MAP3K1: variants seen among roughly 807,000 people sequenced by gnomAD.
MAP3K1 encodes the protein MAP/ERK kinase kinase 1.
Under a neutral mutation model 144.2 loss-of-function variants are expected in MAP3K1, and 36 were observed. That is an observed-to-expected ratio of 0.25 (90% CI 0.19 to 0.33). MAP3K1 has a LOEUF of 0.33. Among genes scored for constraint, MAP3K1 ranks in the 10% least tolerant of loss-of-function variants. The probability of loss-of-function intolerance (pLI) is 1.00; values close to 1 mark genes in which losing one functional copy is unlikely to be tolerated. For missense variants in MAP3K1, 1,650 were observed against 1,881.9 expected, an observed-to-expected ratio of 0.88 and a Z score of 2.28; for synonymous variants, 718 against 688.7, an observed-to-expected ratio of 1.04 and a Z score of -0.67.
chr5:56,853,597 C>T (rs892188329), intron 1 of MAP3K1, among the ~76,000 whole-genome samples: 32 of 152,090 alleles, frequency 2.1e-4, no homozygotes, highest in African/African-American at 7.5e-4. Context: ...AGTTTGCAAA[C>T]TGCATTAACC....
chr5:56,884,505 TGTTTAAAAGA>T (rs1186173366), intron 15 of MAP3K1, among the ~76,000 whole-genome samples, 149 bp from the exon 16 acceptor site: 4 of 152,238 alleles, frequency 2.6e-5, no homozygotes, highest in African/African-American at 9.6e-5. Flanking sequence ...AGATTCTTAG[TGTTTAAAAGA>T]GTTTGACTTG....
chr5:56,815,552 C>A lies in MAP3K1; in HGVS notation c.-22C>A, dbSNP rs1233095243. 5 of 1,280,646 alleles carry A rather than the reference C, an allele frequency of 3.9e-6. No homozygotes were observed. The highest frequency in any genetic ancestry group is 3.9e-6 in the Non-Finnish European group (4 of 1,015,988). 79.3% of individuals were successfully genotyped at this position (1,280,646 alleles called of 1,614,324 possible). A position where few individuals can be genotyped will look rare whatever the true frequency, so the allele number is the denominator to read the frequency against. ...CCCTCCCTCCCTCGCAGGGGCCGAG[C>A]GAATGTAGCCCGCGAGAGAAAATGG... is the stretch of plus-strand genomic sequence containing the variant. On this transcript the variant is annotated 5_prime_UTR_variant, in exon 1 of 20. Transcript: ENST00000399503.
chr5:56,880,408 TTTTTC>T (rs2111936293), intron 11 of MAP3K1, among the ~76,000 whole-genome samples: 1 of 152,288 alleles, frequency 6.6e-6, no homozygotes, highest in East Asian at 1.9e-4. Context: ...AGGTCCTTGT[TTTTTC>T]TTTTAACAAA....
intron 17 of MAP3K1, among the ~76,000 whole-genome samples, chr5:56,886,764 TTA>T (rs1748390329): frequency 6.6e-6 from 1 of 152,274 alleles, no homozygotes; most frequent in African/African-American, 2.4e-5. Flanking sequence ...ATTATTTTCC[TTA>T]TCCTTTTCTT....
intron 16 of MAP3K1, among the ~76,000 whole-genome samples, chr5:56,885,693 T>G (rs1170140851): frequency 1.3e-5 from 2 of 152,238 alleles, no homozygotes; most frequent in Non-Finnish European, 2.9e-5. Context: ...AATTGTTAAC[T>G]TTTACAGCTT....
In MAP3K1 at chr5:56,815,824, C is replaced by G; in HGVS notation, c.251C>G (p.Pro84Arg). 1 of 1,417,498 alleles carries G rather than the reference C, an allele frequency of 7.1e-7. No individual in the cohort carries two copies. Among genetic ancestry groups the G allele is most frequent in the Admixed American group, 2.5e-5 (1 of 40,406 alleles). The allele number at this position is 1,417,498 out of a possible 1,614,324, so 87.8% of individuals were successfully genotyped here. ...CAGCCGCTCTTCCTTGCCGCCTCAC[C>G]GCCGGCCTCCTCGACTTCCCCGTCG... ...PEQPLFLAAS[P>R]PASSTSPSPE... is the part of the protein sequence containing the mutation. The change falls in exon 1 of 20, where the codon CCG becomes CGG. Residue 84 changes from proline to arginine, a missense_variant. Coordinates refer to ENST00000399503, the MANE Select transcript of MAP3K1 (RefSeq NM_005921.2).
chr5:56,825,554 G>A (rs925971991), intron 1 of MAP3K1, among the ~76,000 whole-genome samples: 17 of 152,168 alleles, frequency 1.1e-4, no homozygotes, highest in Admixed American at 6.5e-5. Flanking sequence ...ACATGTCCAG[G>A]CTGCATCTCT....
chr5:56,864,516 A>C (rs1268885061), intron 3 of MAP3K1, among the ~76,000 whole-genome samples: 3 of 151,876 alleles, frequency 2.0e-5, no homozygotes, highest in Non-Finnish European at 4.4e-5. Flanking sequence ...CTGGGATTAC[A>C]GGCATGTGCC....
At chr5:56,884,318 TTTTA>T (rs1351536537) in intron 15 of MAP3K1, among the ~76,000 whole-genome samples, 5 of 152,122 alleles carry the variant, frequency 3.3e-5, no homozygotes, top group Non-Finnish European at 7.4e-5. Context: ...GTGGTTTACT[TTTTA>T]TTATAACGAG....
intron 1 of MAP3K1, chr5:56,817,262 C>A (rs73759207): frequency 0.014 from 3,238 of 227,824 alleles, 110 homozygotes; most frequent in African/African-American, 0.072. Context: ...AGTACAAAGT[C>A]TTGATGGGTA....
At chr5:56,857,202 T>G (rs1747368117) in intron 2 of MAP3K1, among the ~76,000 whole-genome samples, 1 of 152,140 alleles carries the variant, frequency 6.6e-6, no homozygotes. Context: ...GCATAAGATG[T>G]GCGTTTCTCC....
At chr5:56,883,062 C>T (rs1250798429) in intron 14 of MAP3K1, among the ~76,000 whole-genome samples, 196 bp downstream of exon 14, 4 of 152,126 alleles carry the variant, frequency 2.6e-5, no homozygotes, top group African/African-American at 9.7e-5. Flanking sequence ...TGATAGTGTA[C>T]ACCTGGGGTC....
At chr5:56,837,775 C>G (rs1746697298) in intron 1 of MAP3K1, among the ~76,000 whole-genome samples, 1 of 152,228 alleles carries the variant, frequency 6.6e-6, no homozygotes, top group African/African-American at 2.4e-5. Flanking sequence ...CATTTCCGTC[C>G]TCACGGATCT....
intron 1 of MAP3K1, among the ~76,000 whole-genome samples, chr5:56,836,207 C>T (rs941837234): frequency 6.6e-6 from 1 of 152,078 alleles, no homozygotes; most frequent in Non-Finnish European, 1.5e-5. Context: ...AATTGTTTTC[C>T]GTCCAAGCCC....
intron 6 of MAP3K1, among the ~76,000 whole-genome samples, chr5:56,867,212 T>C (rs1747701589): frequency 6.6e-6 from 1 of 152,188 alleles, no homozygotes. Flanking sequence ...GTAGTCAAAA[T>C]AGAAAGTTTC....
intron 1 of MAP3K1, among the ~76,000 whole-genome samples, chr5:56,835,340 AG>A (rs1308317541): frequency 2.4e-4 from 27 of 114,624 alleles, no homozygotes; most frequent in Non-Finnish European, 4.1e-4. Context: ...ACAAGGAGGC[AG>A]GGAAGAGTTG....
intron 11 of MAP3K1, 91 bp downstream of exon 11, chr5:56,879,192 T>C: frequency 7.1e-7 from 1 of 1,410,402 alleles, no homozygotes. Context: ...TCTGATACAT[T>C]TTATTAAATG....
In MAP3K1 at chr5:56,815,909, GC is replaced by G; in HGVS notation, c.340del (p.His114ThrfsTer71). On this transcript the variant is annotated frameshift_variant, in exon 1 of 20. Transcript: ENST00000399503. LOFTEE classifies it high-confidence loss of function. ...GCTTCCAGCCTGTGGCGGTGCCGCCGCCCCACGGAGCCGCGAGCCGCGGCGG... is the reference window on the plus strand; with the variant it reads ...GCTTCCAGCCTGTGGCGGTGCCGCCGCCCACGGAGCCGCGAGCCGCGGCGG... ...TGFQPVAVPP[P>X]HGAASRGGAH... is the part of the protein sequence containing the mutation. 7.8e-7 allele frequency: 1 copy of G among 1,289,342 alleles called. No individual in the cohort carries two copies. The highest frequency in any genetic ancestry group is 9.8e-7 in the Non-Finnish European group (1 of 1,020,760). 79.9% of individuals were successfully genotyped at this position (1,289,342 alleles called of 1,614,324 possible).
At chr5:56,874,760 T>C (rs1410368160) in intron 9 of MAP3K1, among the ~76,000 whole-genome samples, 2 of 152,176 alleles carry the variant, frequency 1.3e-5, no homozygotes, top group Non-Finnish European at 2.9e-5. Flanking sequence ...ATAGAATGTA[T>C]GTATAGCCAT....
Sources: allele counts gnomAD v4.1 joint callset (sites outside exome capture counted in the v4.1 genomes callset), GRCh38; gene constraint gnomAD v4.1.1; transcripts MANE v1.5; gene names NCBI Gene and HGNC (gene_info 2026-07-23, HGNC 2026-07-21).